Variants in CHSY3 observed in about 807,000 individuals in gnomAD.
CHSY3 encodes the protein N-acetylgalactosaminyl-proteoglycan 3-beta-glucuronosyltransferase 3.
A neutral mutation model predicts 67.2 loss-of-function variants in CHSY3; 35 were observed. That is an observed-to-expected ratio of 0.52 (90% confidence interval 0.40 to 0.69). CHSY3 has a LOEUF of 0.69. CHSY3 is among the 30% of genes least tolerant of loss of function. CHSY3 has a pLI of 0.00. For synonymous variants in CHSY3, 474 were observed against 434.7 expected, an observed-to-expected ratio of 1.09 and a Z score of -1.12; for missense variants, 1,069 against 1,138.5, an observed-to-expected ratio of 0.94 and a Z score of 0.88.
chr5:130,011,395 C>T (rs1373962078), intron 2 of CHSY3, among the ~76,000 whole-genome samples: 1 of 152,154 alleles, frequency 6.6e-6, no homozygotes, highest in East Asian at 1.9e-4. Context: ...CCAATAGATG[C>T]TGAAAAGTCT....
intron 2 of CHSY3, among the ~76,000 whole-genome samples, chr5:130,077,497 G>C (rs1010688040): frequency 6.6e-6 from 1 of 152,084 alleles, no homozygotes; most frequent in Admixed American, 6.6e-5. Flanking sequence ...TTATGGAGAC[G>C]TTGGACCGCT....
At chr5:130,071,518 A>G (rs1335259800) in intron 2 of CHSY3, among the ~76,000 whole-genome samples, 1 of 150,108 alleles carries the variant, frequency 6.7e-6, no homozygotes, top group Non-Finnish European at 1.5e-5. Context: ...GAGTAAAAAG[A>G]TGACATTATA....
intron 2 of CHSY3, among the ~76,000 whole-genome samples, chr5:130,178,497 C>T (rs1446584113): frequency 6.6e-6 from 1 of 151,744 alleles, no homozygotes; most frequent in East Asian, 1.9e-4. Context: ...CGTGATCCGC[C>T]CGTCTCGGCC....
rs561115470 is a variant in CHSY3 at position 130,047,893 on chromosome 5, T to C, written c.1087-136336T>C. Among the ~76,000 whole-genome samples, 416 of 151,932 alleles carry C rather than the reference T, an allele frequency of 2.7e-3. 17 individuals carry two copies. Among genetic ancestry groups the C allele is most frequent in the African/African-American group, 9.7e-3 (401 of 41,332 alleles). The stretch of plus-strand genomic sequence containing the variant: ...CACCTTTTATAATTACTGAACAGAA[T>C]TATTGTCAGGTTTTTGTTTGTGTTA... On this transcript the variant is annotated intron_variant, in intron 2 of 2. Transcript: ENST00000305031.
intron 2 of CHSY3, among the ~76,000 whole-genome samples, chr5:129,957,725 C>T (rs1244602552): frequency 2.0e-5 from 3 of 152,058 alleles, no homozygotes; most frequent in Non-Finnish European, 4.4e-5. Context: ...CCTCTCATGC[C>T]TTCAGGAGCT....
At position 129,914,487 on chromosome 5, in the gene CHSY3, A is replaced by C. The variant is rs534450791; in HGVS notation, c.1086+6127A>C. 1.6e-4 allele frequency among the ~76,000 whole-genome samples: 25 copies of C among 152,356 alleles called. 1 individual carries two copies. In the South Asian group the frequency reaches 3.1e-3, roughly 19 times the overall value. On this transcript the variant is annotated intron_variant, in intron 2 of 2. Transcript: ENST00000305031. ...ATGCCCCCAAAGTATATTCATATATATGAAAAAGTATAAGACAGGGATTTT... is the reference window on the plus strand; with the variant it reads ...ATGCCCCCAAAGTATATTCATATATCTGAAAAAGTATAAGACAGGGATTTT...
intron 2 of CHSY3, among the ~76,000 whole-genome samples, chr5:129,936,047 T>G (rs7734761): frequency 0.022 from 3,278 of 152,308 alleles, 111 homozygotes; most frequent in African/African-American, 0.072. Flanking sequence ...AATGGTAATC[T>G]ATATTTATAG....
At chr5:130,008,228 T>C (rs907548431) in intron 2 of CHSY3, among the ~76,000 whole-genome samples, 3 of 151,726 alleles carry the variant, frequency 2.0e-5, no homozygotes, top group Admixed American at 6.6e-5. Flanking sequence ...CCACCCCCCA[T>C]ACCCCCCATT....
chr5:130,086,637 G>A (rs1427778316), intron 2 of CHSY3, among the ~76,000 whole-genome samples: 4 of 152,058 alleles, frequency 2.6e-5, no homozygotes, highest in African/African-American at 2.4e-5. Context: ...TAAATTCCTC[G>A]ACACATACAC....
intron 2 of CHSY3, among the ~76,000 whole-genome samples, chr5:130,086,833 T>C (rs1453595651): frequency 6.6e-6 from 1 of 151,578 alleles, no homozygotes; most frequent in African/African-American, 2.4e-5. Context: ...TTCCAATCAA[T>C]AGAAAAAGAG....
chr5:130,172,418 A>C (rs2107206), intron 2 of CHSY3, among the ~76,000 whole-genome samples: 142,790 of 151,002 alleles, frequency 0.95, 67,622 homozygotes, highest in East Asian at 1. Context: ...GCAGCCTCGA[A>C]CTCCCAGGCT....
At chr5:130,118,152 A>G (rs1373898336) in intron 2 of CHSY3, among the ~76,000 whole-genome samples, 5 of 152,128 alleles carry the variant, frequency 3.3e-5, no homozygotes, top group African/African-American at 9.7e-5. Context: ...AGCACCACAC[A>G]TCTTGTACAG....
intron 2 of CHSY3, among the ~76,000 whole-genome samples, chr5:129,959,709 A>G (rs779111579): frequency 3.3e-5 from 5 of 152,258 alleles, no homozygotes; most frequent in East Asian, 3.9e-4. Context: ...TAAGATTTCT[A>G]TGTCATCAGC....
chr5:130,114,115 C>T (rs1767696700), intron 2 of CHSY3, among the ~76,000 whole-genome samples: 1 of 152,118 alleles, frequency 6.6e-6, no homozygotes. Flanking sequence ...GTTTGAAAAT[C>T]TCACATAATA....
rs555508927 is a variant in CHSY3, at chr5:130,043,596, C to T, written c.1086+135236C>T. 3.3e-5 allele frequency among the ~76,000 whole-genome samples: 5 copies of T among 152,244 alleles called. No homozygotes were observed. In the South Asian group the frequency reaches 1.0e-3, roughly 32 times the overall value. ...AGAGTGTTAGAACATTAGCCGTCCACAATCCTAAATGTAGGACATTGACGA... is the reference window on the plus strand; with the variant it reads ...AGAGTGTTAGAACATTAGCCGTCCATAATCCTAAATGTAGGACATTGACGA... On this transcript the variant is annotated intron_variant, in intron 2 of 2. Transcript: ENST00000305031.
intron 2 of CHSY3, among the ~76,000 whole-genome samples, chr5:130,097,863 G>A (rs1424543943): frequency 2.6e-5 from 4 of 151,958 alleles, no homozygotes; most frequent in Non-Finnish European, 5.9e-5. Context: ...GAAATTAGCC[G>A]GGCATGGTGG....
chr5:129,968,494 G>T (rs975344799), intron 2 of CHSY3, among the ~76,000 whole-genome samples: 30 of 151,814 alleles, frequency 2.0e-4, no homozygotes, highest in African/African-American at 7.2e-4. Flanking sequence ...AGATGGGGAA[G>T]TTGAAACTTG....
chr5:129,982,441 T>G (rs1283782920), intron 2 of CHSY3, among the ~76,000 whole-genome samples: 1 of 152,122 alleles, frequency 6.6e-6, no homozygotes, highest in Non-Finnish European at 1.5e-5. Flanking sequence ...CACATCCTTT[T>G]ATTCATTTTT....
At chr5:130,140,884 CT>C in intron 2 of CHSY3, 1 of 452,612 alleles carries the variant, frequency 2.2e-6, no homozygotes, top group Non-Finnish European at 3.0e-6. Context: ...TCTATTTTCT[CT>C]TTGCAGGAAT....
Sources: allele counts gnomAD v4.1 joint callset (sites outside exome capture counted in the v4.1 genomes callset), GRCh38; gene constraint gnomAD v4.1.1; transcripts MANE v1.5; gene names NCBI Gene and HGNC (gene_info 2026-07-23, HGNC 2026-07-21).